ESRRB: variants seen among roughly 807,000 people sequenced by gnomAD.
ESRRB encodes the protein estrogen related receptor beta.
ESRRB carries 16 observed loss-of-function variants against 46.0 expected under a neutral mutation model. The ratio of observed to expected loss-of-function variants is 0.35; its 90% CI spans 0.24 to 0.53. The LOEUF is 0.53. ESRRB is among the 20% of genes least tolerant of loss of function. The pLI is 0.93. For synonymous variants in ESRRB, 246 were observed against 259.6 expected, an observed-to-expected ratio of 0.95 and a Z score of 0.50; for missense variants, 488 against 607.4, an observed-to-expected ratio of 0.80 and a Z score of 2.07.
At chr14:76,377,778 G>T (rs1387966611) in intron 1 of ESRRB, among the ~76,000 whole-genome samples, 1 of 152,094 alleles carries the variant, frequency 6.6e-6, no homozygotes, top group East Asian at 1.9e-4. Flanking sequence ...CTCCACCACG[G>T]TGCACCCCGC....
chr14:76,456,451 G>A (rs552574341), intron 2 of ESRRB, among the ~76,000 whole-genome samples: 1 of 152,298 alleles, frequency 6.6e-6, no homozygotes, highest in Non-Finnish European at 1.5e-5. Context: ...GGCTAGTGCA[G>A]GACCATGGTC....
intron 1 of ESRRB, among the ~76,000 whole-genome samples, chr14:76,412,331 G>C (rs1886478755): frequency 1.3e-5 from 2 of 152,222 alleles, no homozygotes; most frequent in African/African-American, 4.8e-5. Context: ...CTTCTGAGGA[G>C]TGGAGGTAGT....
At chr14:76,346,159 C>T (rs1198138612) in intron 1 of ESRRB, among the ~76,000 whole-genome samples, 3 of 152,114 alleles carry the variant, frequency 2.0e-5, no homozygotes, top group East Asian at 1.9e-4. Context: ...TAAATAAGCC[C>T]GCATTCACAG....
At chr14:76,365,904 A>G (rs1449333699) in intron 1 of ESRRB, among the ~76,000 whole-genome samples, 1 of 152,182 alleles carries the variant, frequency 6.6e-6, no homozygotes, top group Non-Finnish European at 1.5e-5. Context: ...CTGTACAGAA[A>G]ATGCCTCTCT....
At chr14:76,372,725 G>A (rs147112979), upstream of ESRRB, among the ~76,000 whole-genome samples, 148 of 152,246 alleles carry the variant, frequency 9.7e-4, 2 homozygotes, top group East Asian at 0.025. Flanking sequence ...CCACCTACTC[G>A]GGAGGCTGAG....
At chr14:76,461,385 T>G (rs1458395745) in intron 2 of ESRRB, among the ~76,000 whole-genome samples, 1 of 152,256 alleles carries the variant, frequency 6.6e-6, no homozygotes. Flanking sequence ...GGGGCTGTGC[T>G]AAGTGCTGCT....
intron 1 of ESRRB, among the ~76,000 whole-genome samples, chr14:76,378,229 T>G (rs746276979): frequency 6.6e-6 from 1 of 152,208 alleles, no homozygotes; most frequent in South Asian, 2.1e-4. Flanking sequence ...TCAATAAATA[T>G]GAAAATTCGT....
intron 2 of ESRRB, among the ~76,000 whole-genome samples, chr14:76,444,745 C>T (rs1370097833): frequency 2.0e-5 from 3 of 152,134 alleles, no homozygotes; most frequent in Non-Finnish European, 1.5e-5. Flanking sequence ...CACTGTGCTC[C>T]AAACCAGGAC....
intron 1 of ESRRB, among the ~76,000 whole-genome samples, chr14:76,434,284 C>T (rs1232333273): frequency 6.6e-6 from 1 of 152,202 alleles, no homozygotes; most frequent in African/African-American, 2.4e-5. Flanking sequence ...AGGAACCAGG[C>T]AGCCCAGAGA....
intron 1 of ESRRB, among the ~76,000 whole-genome samples, chr14:76,419,204 G>A (rs111472789): frequency 0.054 from 8,121 of 149,848 alleles, 684 homozygotes; most frequent in African/African-American, 0.19. Context: ...TAGTAGAGAT[G>A]GGGTTTCGCC....
intron 1 of ESRRB, among the ~76,000 whole-genome samples, chr14:76,421,791 C>T (rs1886966272): frequency 6.6e-6 from 1 of 152,192 alleles, no homozygotes. Context: ...ACTCTCCTCC[C>T]TCCCCTCCCT....
At chr14:76,350,237 C>T (rs1404598883) in intron 1 of ESRRB, among the ~76,000 whole-genome samples, 1 of 152,212 alleles carries the variant, frequency 6.6e-6, no homozygotes, top group Non-Finnish European at 1.5e-5. Flanking sequence ...CTCTACTTCT[C>T]ACTAAAGCAT....
At chr14:76,441,519 C>G (rs1185687520) in intron 2 of ESRRB, among the ~76,000 whole-genome samples, 2 of 152,100 alleles carry the variant, frequency 1.3e-5, no homozygotes, top group African/African-American at 4.8e-5. Context: ...ACCATGTAGC[C>G]CAGGCTGGTC....
chr14:76,501,797 C>G lies in ESRRB; in HGVS notation c.*3339C>G, dbSNP rs1194528680. 6.6e-6 allele frequency: 1 copy of G among 152,146 alleles called. No individual in the cohort carries two copies. The highest frequency in any genetic ancestry group is 6.6e-5 in the Admixed American group (1 of 15,266). The allele number at this position is 152,146 out of a possible 1,614,324, so 9.4% of individuals were successfully genotyped here. A position where few individuals can be genotyped will look rare whatever the true frequency, so the allele number is the denominator to read the frequency against. ...TCAAATGCCCTAGGATGCTTCCATC[C>G]TGGTCCCATGTATCTGGAATCTAAT... On this transcript the variant is annotated 3_prime_UTR_variant, in exon 7 of 7. Coordinates refer to ENST00000644823, the MANE Select transcript of ESRRB (RefSeq NM_001379180.1).
chr14:76,498,743 C>A lies in ESRRB; in HGVS notation c.*285C>A. 1.0e-6 allele frequency: 1 copy of A among 986,474 alleles called. No homozygotes were observed. Among genetic ancestry groups the A allele is most frequent in the Non-Finnish European group, 1.5e-6 (1 of 647,094 alleles). The allele number at this position is 986,474 out of a possible 1,614,324, so 61.1% of individuals were successfully genotyped here. ...GTGCGGAGGCCTGGGCCAGGGCTGACTCCCTTCAGGAGTGGAGGCCACTGG... is the reference window on the plus strand; with the variant it reads ...GTGCGGAGGCCTGGGCCAGGGCTGAATCCCTTCAGGAGTGGAGGCCACTGG... On this transcript the variant is annotated 3_prime_UTR_variant, in exon 7 of 7. Coordinates refer to ENST00000644823, the MANE Select transcript of ESRRB (RefSeq NM_001379180.1).
intron 5 of ESRRB, among the ~76,000 whole-genome samples, chr14:76,486,765 A>G (rs1243818269): frequency 6.6e-6 from 1 of 152,142 alleles, no homozygotes; most frequent in Non-Finnish European, 1.5e-5. Context: ...TGCTGCCTGC[A>G]GTGAGCCCGG....
intron 1 of ESRRB, among the ~76,000 whole-genome samples, chr14:76,385,534 G>T (rs1236156851): frequency 6.6e-6 from 1 of 152,198 alleles, no homozygotes; most frequent in African/African-American, 2.4e-5. Context: ...GTGTTTGGGG[G>T]TGGCTTGAGC....
chr14:76,387,320 G>A (rs986430246), intron 1 of ESRRB, among the ~76,000 whole-genome samples: 3 of 152,206 alleles, frequency 2.0e-5, no homozygotes, highest in Non-Finnish European at 4.4e-5. Flanking sequence ...CACAGCCCCG[G>A]GTACGGGGAA....
chr14:76,456,867 G>C (rs545751158), intron 2 of ESRRB, among the ~76,000 whole-genome samples: 1 of 152,284 alleles, frequency 6.6e-6, no homozygotes, highest in East Asian at 1.9e-4. Context: ...GAGATGAAAG[G>C]GATGGTCCCT....
Sources: gnomAD v4.1 joint callset for allele counts (sites outside exome capture counted in the v4.1 genomes callset) on GRCh38, gnomAD v4.1.1 for gene constraint, MANE v1.5 for transcripts, NCBI Gene and HGNC (gene_info 2026-07-23, HGNC 2026-07-21) for gene names.